SLC38A6: variants seen among roughly 807,000 people sequenced by gnomAD.
SLC38A6 encodes the protein N system amino acid transporter NAT-1.
In SLC38A6, 73 loss-of-function variants were observed where a neutral mutation model predicts 65.0. That is an observed-to-expected ratio of 1.12 (90% confidence interval 0.93 to 1.37). The LOEUF is 1.37. Among genes scored for constraint, SLC38A6 ranks in the 40% most tolerant of loss-of-function variants. SLC38A6 has a pLI of 0.00. For missense variants in SLC38A6, 561 were observed against 531.1 expected (o/e 1.06, Z -0.55); for synonymous variants, 183 against 178.8 (o/e 1.02, Z -0.19).
Position 61,015,929 on chromosome 14 carries a change from A to G in SLC38A6, c.336A>G (p.Gly112=). ...QTAVTSYEDL[G]LFAFGLPGKL... is the part of the protein sequence containing the mutation. The stretch of plus-strand genomic sequence containing the variant: ...CTGTAACATCTTATGAAGATCTTGG[A>G]CTCTTTGCATTTGGATTACCTGGAA... The change falls in exon 4 of 16, where the codon GGA becomes GGG. Residue 112 remains glycine (G), a synonymous_variant. Transcript: ENST00000267488. 6.2e-7 allele frequency: 1 copy of G among 1,607,634 alleles called. No homozygotes were observed. The highest frequency in any genetic ancestry group is 8.5e-7 in the Non-Finnish European group (1 of 1,178,354).
At chr14:61,020,767 C>T (rs999141387) in intron 5 of SLC38A6, among the ~76,000 whole-genome samples, 1 of 152,092 alleles carries the variant, frequency 6.6e-6, no homozygotes, top group Non-Finnish European at 1.5e-5. Flanking sequence ...ATTTATTTAG[C>T]AACTAAGTAT....
At chr14:60,981,609 C>T (rs1239489003) in intron 1 of SLC38A6, 1 of 1,481,906 alleles carries the variant, frequency 6.7e-7, no homozygotes, top group Admixed American at 2.0e-5. Flanking sequence ...TGAAAAGCGT[C>T]GGGTGGAAGA....
chr14:61,079,170 C>A (rs1488662937), intron 16 of SLC38A6, among the ~76,000 whole-genome samples: 1 of 139,948 alleles, frequency 7.1e-6, no homozygotes, highest in Admixed American at 7.4e-5. Context: ...CAGAGTCTCG[C>A]TCTGTCGCCC....
At chr14:61,050,212 C>T (rs987213614) in intron 12 of SLC38A6, among the ~76,000 whole-genome samples, 4 of 152,234 alleles carry the variant, frequency 2.6e-5, no homozygotes, top group Non-Finnish European at 5.9e-5. Context: ...TATAAACAAA[C>T]AGCACAAATG....
Position 61,072,774 on chromosome 14 carries a change from A to G in SLC38A6, c.1291-6036A>G, listed in dbSNP as rs535706553. On this transcript the variant is annotated intron_variant, in intron 15 of 16. Coordinates refer to the SLC38A6 transcript ENST00000354886. ...TGTTCCACATTTTCTTTATTCATTC[A>G]TCTGTTGATGGACACTTAGGTTACT... Among the ~76,000 whole-genome samples the G allele has an allele frequency of 2.0e-5, 3 of 152,298 alleles. No individual in the cohort carries two copies. In the South Asian group the frequency reaches 6.2e-4, roughly 32 times the overall value.
intron 6 of SLC38A6, among the ~76,000 whole-genome samples, chr14:61,034,452 G>C (rs1228160238): frequency 6.6e-6 from 1 of 152,076 alleles, no homozygotes; most frequent in African/African-American, 2.4e-5. Context: ...ATCTACGAGA[G>C]ACAGCAAAAC....
chr14:61,021,831 C>CT (rs1390678415), intron 5 of SLC38A6, among the ~76,000 whole-genome samples: 2 of 152,124 alleles, frequency 1.3e-5, no homozygotes, highest in Middle Eastern at 3.4e-3. Context: ...TTTTTTCTGT[C>CT]TTTTTTCGTA....
intron 12 of SLC38A6, chr14:61,048,262 C>A: frequency 2.5e-6 from 1 of 400,500 alleles, no homozygotes. Flanking sequence ...ACAACTAAAG[C>A]CCAGAGAGGT....
At chr14:61,027,356 G>C (rs1415022268) in intron 5 of SLC38A6, among the ~76,000 whole-genome samples, 1 of 152,112 alleles carries the variant, frequency 6.6e-6, no homozygotes, top group Non-Finnish European at 1.5e-5. Flanking sequence ...GGATGACCCA[G>C]TTGCAGCTAT....
rs371089877 is a variant in SLC38A6, at chr14:60,981,669, G to A, written c.105+287G>A. On this transcript the variant is annotated intron_variant, in intron 1 of 15. Coordinates refer to ENST00000267488, the MANE Select transcript of SLC38A6 (RefSeq NM_153811.3). ...GAACATGATGGGATGAGCGGCCCTA[G>A]GATTATGTACTCACTGCTGTTAGTT... 51 of 1,408,960 alleles carry A rather than the reference G, an allele frequency of 3.6e-5. No homozygotes were observed. The East Asian group carries it at 6.3e-4, about 18-fold the overall frequency. 87.3% of individuals were successfully genotyped at this position (1,408,960 alleles called of 1,614,324 possible).
chr14:61,062,797 C>T (rs2042896810), intron 15 of SLC38A6, among the ~76,000 whole-genome samples: 1 of 152,232 alleles, frequency 6.6e-6, no homozygotes, highest in Admixed American at 6.5e-5. Flanking sequence ...TCTAGTGCCT[C>T]AGCCTCCTGC....
chr14:61,080,300 C>T (rs1309042754), intron 16 of SLC38A6, among the ~76,000 whole-genome samples: 1 of 152,110 alleles, frequency 6.6e-6, no homozygotes, highest in African/African-American at 2.4e-5. Context: ...CTAGAGCTGG[C>T]GTGTTATGTG....
Position 61,003,118 on chromosome 14 carries a change from T to C in SLC38A6, c.311-12786T>C, listed in dbSNP as rs544584603. Reference sequence around the variant, plus strand: ...CACCTTAAATAAAACCAACCAGATATTTGGTAGAGAAAATGGAACTGTACA... The same window carrying C: ...CACCTTAAATAAAACCAACCAGATACTTGGTAGAGAAAATGGAACTGTACA... On this transcript the variant is annotated intron_variant, in intron 3 of 15. Coordinates refer to ENST00000267488, the MANE Select transcript of SLC38A6 (RefSeq NM_153811.3). Among the ~76,000 whole-genome samples the C allele has an allele frequency of 2.0e-5, 3 of 152,150 alleles. No individual in the cohort carries two copies. The South Asian group carries it at 6.2e-4, about 32-fold the overall frequency.
At chr14:61,043,061 T>A (rs1051562582) in intron 8 of SLC38A6, 86 bp from the exon 9 acceptor site, 37 of 836,118 alleles carry the variant, frequency 4.4e-5, no homozygotes, top group Non-Finnish European at 6.6e-5. Context: ...TCTTATTTAA[T>A]TGAAATGATA....
rs377237636 is a variant in SLC38A6 at position 61,069,718 on chromosome 14, C to T, written c.1291-9092C>T. Reference sequence around the variant, plus strand: ...ACCATTAGTACCTTGTAAGATTTTTCGTATTTTTTTCATAAACTACTTTTG... The same window carrying T: ...ACCATTAGTACCTTGTAAGATTTTTTGTATTTTTTTCATAAACTACTTTTG... On this transcript the variant is annotated intron_variant, in intron 15 of 16. Coordinates refer to the SLC38A6 transcript ENST00000354886. 8.9e-4 allele frequency among the ~76,000 whole-genome samples: 136 copies of T among 152,148 alleles called. 1 individual carries two copies. Among genetic ancestry groups the T allele is most frequent in the African/African-American group, 3.2e-3 (131 of 41,512 alleles).
At chr14:61,047,955 T>TTAGA (rs200441090) in intron 12 of SLC38A6, among the ~76,000 whole-genome samples, 29 of 149,900 alleles carry the variant, frequency 1.9e-4, no homozygotes, top group African/African-American at 6.9e-4. Context: ...AGATGATAGA[T>TTAGA]TAGATAGATA....
chr14:61,020,972 C>T (rs558904608), intron 5 of SLC38A6, among the ~76,000 whole-genome samples: 7 of 152,234 alleles, frequency 4.6e-5, no homozygotes, highest in African/African-American at 1.4e-4. Flanking sequence ...GCACAAGGCC[C>T]ACTGTTGTAT....
chr14:61,025,849 T>G (rs2040583721), intron 5 of SLC38A6, among the ~76,000 whole-genome samples: 1 of 152,120 alleles, frequency 6.6e-6, no homozygotes, highest in Non-Finnish European at 1.5e-5. Context: ...ATGAGACACA[T>G]TGAATAGAAT....
chr14:61,083,562 T>G (rs2043740181), exon 17 of SLC38A6: 1 of 1,549,924 alleles, frequency 6.5e-7, no homozygotes, highest in Admixed American at 2.0e-5. Flanking sequence ...AAGGAAGAGA[T>G]ACCATGGAGA....
Sources: gnomAD v4.1 joint callset for allele counts (sites outside exome capture counted in the v4.1 genomes callset) on GRCh38, gnomAD v4.1.1 for gene constraint, MANE v1.5 for transcripts, NCBI Gene and HGNC (gene_info 2026-07-23, HGNC 2026-07-21) for gene names.